Variants in HEPH observed in about 807,000 individuals in gnomAD.
The protein encoded by HEPH is hephaestin.
A neutral mutation model predicts 80.8 loss-of-function variants in HEPH; 69 were observed. The observed-to-expected ratio is 0.85, with a 90% CI of 0.70 to 1.04. The LOEUF (loss-of-function observed/expected upper bound fraction) is 1.04, where lower values mean the gene tolerates loss of function less well. HEPH is among the 50% of genes least tolerant of loss of function. The pLI is 0.00. For missense variants in HEPH, 1,115 were observed against 891.3 expected, an observed-to-expected ratio of 1.25 and a Z score of -3.20; for synonymous variants, 431 against 322.8, an observed-to-expected ratio of 1.34 and a Z score of -3.60.
At chrX:66,167,077 AT>A (rs2086400871) in intron 1 of HEPH, among the ~76,000 whole-genome samples, 5 of 112,050 alleles carry the variant, frequency 4.5e-5, no homozygotes, top group African/African-American at 1.6e-4. Flanking sequence ...TATTAATACC[AT>A]TTGAAAAATA....
At chrX:66,256,402 A>G (rs2091184268) in intron 17 of HEPH, 72 bp downstream of exon 17, 1 of 739,966 alleles carries the variant, frequency 1.4e-6, no homozygotes, top group Admixed American at 2.7e-5. Flanking sequence ...TAATAGGCCT[A>G]TTGCTACCTA....
At chrX:66,203,164 C>A (rs749109470) in intron 12 of HEPH, among the ~76,000 whole-genome samples, 200 bp from the exon 13 acceptor site, 2 of 109,428 alleles carry the variant, frequency 1.8e-5, no homozygotes, top group African/African-American at 6.7e-5. Flanking sequence ...GCTTTGGAGC[C>A]GGAGCTCTTA....
intron 15 of HEPH, among the ~76,000 whole-genome samples, chrX:66,252,225 G>C (rs537807738): frequency 4.5e-5 from 5 of 111,901 alleles, no homozygotes; most frequent in Non-Finnish European, 7.5e-5. Flanking sequence ...AGATAAGGAA[G>C]ACTGAAGAGG....
At chrX:66,213,131 C>G (rs983316212) in intron 15 of HEPH, among the ~76,000 whole-genome samples, 1 of 108,716 alleles carries the variant, frequency 9.2e-6, no homozygotes, top group Non-Finnish European at 1.9e-5. Flanking sequence ...TGCGCTGTAC[C>G]CACTAACTCA....
chrX:66,180,331 G>T (rs756705382), intron 4 of HEPH, among the ~76,000 whole-genome samples: 20 of 111,030 alleles, frequency 1.8e-4, no homozygotes, highest in South Asian at 3.8e-4. Flanking sequence ...GCGTATGTTT[G>T]TCTGAAAATG....
At chrX:66,178,972 G>C (rs983071779) in intron 4 of HEPH, among the ~76,000 whole-genome samples, 8 of 111,502 alleles carry the variant, frequency 7.2e-5, no homozygotes, top group African/African-American at 2.6e-4. Context: ...TGCCAATTTT[G>C]GCTTTTGTTA....
chrX:66,253,732 A>G (rs1158602491), intron 15 of HEPH, among the ~76,000 whole-genome samples: 1 of 112,620 alleles, frequency 8.9e-6, no homozygotes, highest in Non-Finnish European at 1.9e-5. Flanking sequence ...AATATGGTGT[A>G]TCTATTCAAT....
intron 8 of HEPH, 51 bp from the exon 9 acceptor site, chrX:66,195,047 C>T (rs768255389): frequency 9.8e-7 from 1 of 1,019,049 alleles, no homozygotes; most frequent in Non-Finnish European, 1.3e-6. Context: ...TTTCCTTCCT[C>T]CCTGTTTATC....
chrX:66,266,137 T>A (rs182318996), intron 20 of HEPH, among the ~76,000 whole-genome samples: 20 of 111,322 alleles, frequency 1.8e-4, no homozygotes, highest in African/African-American at 5.6e-4. Context: ...TCTTTTTTTT[T>A]TATATCACAG....
At position 66,207,403 on chromosome X, in the gene HEPH, C is replaced by A. The variant is rs1241029687; in HGVS notation, c.2431+69C>A. 7 of 833,852 alleles carry A rather than the reference C, an allele frequency of 8.4e-6. No homozygotes were observed. In the South Asian group the frequency reaches 1.9e-4, roughly 23 times the overall value. The allele number at this position is 833,852 out of a possible 1,213,427, so 68.7% of individuals were successfully genotyped here. A position where few individuals can be genotyped will look rare whatever the true frequency, so the allele number is the denominator to read the frequency against. Reference sequence around the variant, plus strand: ...TCCACCTAGGGAAGCTATGTTATACCAGGATGGCCTCACTATTCCCCATTC... The same window carrying A: ...TCCACCTAGGGAAGCTATGTTATACAAGGATGGCCTCACTATTCCCCATTC... On this transcript the variant is annotated intron_variant, in intron 14 of 20. Coordinates refer to ENST00000343002, the MANE Select transcript of HEPH (RefSeq NM_001367233.3).
At chrX:66,172,326 A>G (rs1259405035) in intron 2 of HEPH, 29 bp from the exon 3 acceptor site, 2 of 1,161,072 alleles carry the variant, frequency 1.7e-6, no homozygotes, top group Non-Finnish European at 2.3e-6. Flanking sequence ...ATGGGGGGCA[A>G]AATTATGACT....
At position 66,257,122 on chromosome X, in the gene HEPH, A is replaced by C. The variant is rs146086372; in HGVS notation, c.2896+792A>C. Among the ~76,000 whole-genome samples, 14 of 112,364 alleles carry C rather than the reference A, an allele frequency of 1.2e-4. No homozygotes were observed. In the East Asian group the frequency reaches 3.6e-3, roughly 29 times the overall value. On this transcript the variant is annotated intron_variant, in intron 17 of 20. Coordinates refer to ENST00000343002, the MANE Select transcript of HEPH (RefSeq NM_001367233.3). ...TATTATTATCCCACAGATTTTAGCT[A>C]TTTCACCTTGATGGAGTGATGAATG...
At chrX:66,205,456 A>T (rs2088712691) in intron 13 of HEPH, among the ~76,000 whole-genome samples, 1 of 112,162 alleles carries the variant, frequency 8.9e-6, no homozygotes, top group Non-Finnish European at 1.9e-5. Flanking sequence ...ATAGAATTCC[A>T]TTGTTTGTAC....
At chrX:66,176,597 C>A (rs1236324459) in intron 4 of HEPH, among the ~76,000 whole-genome samples, 1 of 111,438 alleles carries the variant, frequency 9.0e-6, no homozygotes, top group Non-Finnish European at 1.9e-5. Context: ...GCGCTGCACC[C>A]ATTACCTCAT....
In HEPH at chrX:66,195,159, C is replaced by G. The variant is rs1396107142; in HGVS notation, c.1431C>G (p.Ser477=). 8.3e-7 allele frequency: 1 copy of G among 1,204,569 alleles called. No homozygotes were observed. Among genetic ancestry groups the G allele is most frequent in the South Asian group, 1.8e-5 (1 of 55,649 alleles). The change falls in exon 9 of 21, where the codon TCC becomes TCG. Residue 477 remains serine (S), a synonymous_variant. Transcript: ENST00000343002. ...AGGTGGTCTTCTACAACCGTGCCTCCCAGCCATTCAGCATGCAGCCCCATG... is the reference window on the plus strand; with the variant it reads ...AGGTGGTCTTCTACAACCGTGCCTCGCAGCCATTCAGCATGCAGCCCCATG... The part of the protein sequence containing the change: ...TIQVVFYNRA[S]QPFSMQPHGV...
At chrX:66,222,610 T>C (rs186185991) in intron 15 of HEPH, among the ~76,000 whole-genome samples, 5 of 112,039 alleles carry the variant, frequency 4.5e-5, no homozygotes, top group Non-Finnish European at 9.4e-5. Flanking sequence ...TCTCTAGTGG[T>C]CCACAGAATG....
chrX:66,255,240 G>T, intron 16 of HEPH, 99 bp downstream of exon 16: 1 of 477,627 alleles, frequency 2.1e-6, no homozygotes, highest in Non-Finnish European at 3.5e-6. Flanking sequence ...AGATTCTAGA[G>T]CCTAGAATTT....
chrX:66,171,099 T>C (rs1205734971), intron 2 of HEPH: 15 of 321,952 alleles, frequency 4.7e-5, no homozygotes, highest in Non-Finnish European at 7.7e-5. Context: ...TTCTATAGTT[T>C]GGTGAAGCTA....
chrX:66,194,860 C>A (rs912423439), intron 8 of HEPH, among the ~76,000 whole-genome samples: 2 of 111,723 alleles, frequency 1.8e-5, no homozygotes, highest in African/African-American at 6.5e-5. Flanking sequence ...ATAATTTTTG[C>A]CCTATATGCC....
Sources: gnomAD v4.1 joint callset for allele counts (sites outside exome capture counted in the v4.1 genomes callset) on GRCh38, gnomAD v4.1.1 for gene constraint, MANE v1.5 for transcripts, NCBI Gene and HGNC (gene_info 2026-07-23, HGNC 2026-07-21) for gene names.